Variants in POLL observed in about 807,000 individuals in gnomAD.
POLL encodes DNA polymerase lambda, also known as DNA polymerase beta-2.
In POLL, 44 loss-of-function variants were observed where a neutral mutation model predicts 58.1. That is an observed-to-expected ratio of 0.76 (90% CI 0.60 to 0.97). The LOEUF (loss-of-function observed/expected upper bound fraction) is 0.97. POLL is among the 50% of genes least tolerant of loss of function. POLL has a pLI of 0.00. For missense variants in POLL, 632 were observed against 736.8 expected, an observed-to-expected ratio of 0.86 and a Z score of 1.65; for synonymous variants, 290 against 283.2, an observed-to-expected ratio of 1.02 and a Z score of -0.24.
chr10:101,582,757 G>A lies in POLL; in HGVS notation c.1194+6C>T. 1 of 1,613,674 alleles carries A rather than the reference G, an allele frequency of 6.2e-7. No homozygotes were observed. The highest frequency in any genetic ancestry group is 8.5e-7 in the Non-Finnish European group (1 of 1,179,568). On this transcript the variant is annotated splice_donor_region_variant and intron_variant, in intron 7 of 8. Coordinates refer to ENST00000370162, the MANE Select transcript of POLL (RefSeq NM_001174084.2). ...CTGTCCTCACTGCTCTGGGACACCT[G>A]CTTACTGTCTGCTCAATCTCTGTAG...
intron 5 of POLL, among the ~76,000 whole-genome samples, chr10:101,584,269 C>G (rs1393846864): frequency 6.6e-6 from 1 of 151,910 alleles, no homozygotes; most frequent in Non-Finnish European, 1.5e-5. Flanking sequence ...TGCTTGAGCC[C>G]AGGAGTTCAA....
Position 101,580,643 on chromosome 10 carries a change from C to A in POLL, c.1195-227G>T. ...TGCAGGAGGCAAGCCTGAGGAGAGA[C>A]GGGAGAAGGTGCCGGCTCTGCTTCT... On this transcript the variant is annotated intron_variant, in intron 7 of 8. Coordinates refer to ENST00000370162, the MANE Select transcript of POLL (RefSeq NM_001174084.2). This position sits in a 1 kb window ranked among gnomAD's most constrained non-coding sequence, Gnocchi z 4.1. 4.1e-6 allele frequency: 2 copies of A among 492,866 alleles called. No individual in the cohort carries two copies. Among genetic ancestry groups the A allele is most frequent in the South Asian group, 2.8e-5 (1 of 36,218 alleles). 30.5% of individuals were successfully genotyped at this position (492,866 alleles called of 1,614,324 possible).
rs2063321935 is a variant in POLL, at chr10:101,586,168, A to C, written c.116-12T>G. 1 of 1,601,258 alleles carries C rather than the reference A, an allele frequency of 6.2e-7. No homozygotes were observed. The highest frequency in any genetic ancestry group is 8.5e-7 in the Non-Finnish European group (1 of 1,172,142). ...GGAGCTCAGCCACTCTGTGGAAGGA[A>C]CATCCAGATGACTACTGTTGTAACT... On this transcript the variant is annotated splice_polypyrimidine_tract_variant and intron_variant, in intron 2 of 8. Transcript: ENST00000370162.
At chr10:101,583,436 G>A in intron 6 of POLL, 72 bp downstream of exon 6, 1 of 1,516,672 alleles carries the variant, frequency 6.6e-7, no homozygotes, top group South Asian at 1.2e-5. Flanking sequence ...CTGGGGCAGA[G>A]CACAGCACAC....
At position 101,579,340 on chromosome 10, in the gene POLL, GA is replaced by G. The variant is rs1176700649; in HGVS notation, c.*112del. ...AGAGCCCTGGGCCCTGCTCGCTGAG[GA>G]AGCTGGTGGTTGGAGCGGCGAGGTT... On this transcript the variant is annotated 3_prime_UTR_variant, in exon 9 of 9. Coordinates refer to ENST00000370162, the MANE Select transcript of POLL (RefSeq NM_001174084.2). This position sits in a 1 kb window ranked among gnomAD's most constrained non-coding sequence, Gnocchi z 4.4. 3.1e-6 allele frequency: 4 copies of G among 1,286,198 alleles called. No homozygotes were observed. In the African/African-American group the frequency reaches 5.9e-5, roughly 19 times the overall value. The allele number at this position is 1,286,198 out of a possible 1,614,324, so 79.7% of individuals were successfully genotyped here.
chr10:101,582,493 A>T (rs1311408444), intron 7 of POLL, among the ~76,000 whole-genome samples: 1 of 152,192 alleles, frequency 6.6e-6, no homozygotes, highest in Non-Finnish European at 1.5e-5. Flanking sequence ...AACACCAATC[A>T]GTCTAGAATT....
chr10:101,579,871 C>G lies in POLL; in HGVS notation c.1364-54G>C. ...GGCAGGGAACCAGGCCTGGGCTGTC[C>G]CATCCTCCCAGGTCTCTCCTGATGT... On this transcript the variant is annotated intron_variant, in intron 8 of 8. Transcript: ENST00000370162. The surrounding 1 kb of genome is among the most constrained non-coding windows in gnomAD (Gnocchi z 4.4). The G allele has an allele frequency of 6.4e-7, 1 of 1,563,556 alleles. No homozygotes were observed.
chr10:101,582,689 G>T, intron 7 of POLL, 74 bp downstream of exon 7: 1 of 1,496,046 alleles, frequency 6.7e-7, no homozygotes, highest in Non-Finnish European at 9.3e-7. Context: ...CTGAGGAGTT[G>T]GGGGTTCTTG....
rs2062901452 is a variant in POLL at position 101,580,138 on chromosome 10, T to G, written c.1363+110A>C. 2.1e-6 allele frequency: 2 copies of G among 968,574 alleles called. No individual in the cohort carries two copies. The allele number at this position is 968,574 out of a possible 1,614,324, so 60.0% of individuals were successfully genotyped here. A position where few individuals can be genotyped will look rare whatever the true frequency, so the allele number is the denominator to read the frequency against. ...AGATGGGATGCTGGCAAAGCACTGT[T>G]CCCCTGCTTCCTGCCTCAGGACTGG... On this transcript the variant is annotated intron_variant, in intron 8 of 8. Transcript: ENST00000370162. This position sits in a 1 kb window ranked among gnomAD's most constrained non-coding sequence, Gnocchi z 4.1.
Position 101,579,730 on chromosome 10 carries a change from C to T in POLL, c.1451G>A (p.Arg484Gln), listed in dbSNP as rs200705693. The T allele has an allele frequency of 8.0e-5, 129 of 1,613,616 alleles. No individual in the cohort carries two copies. The highest frequency in any genetic ancestry group is 1.6e-4 in the Middle Eastern group (1 of 6,084). The change falls in exon 9 of 9, where the codon CGG (arginine) becomes CAG (glutamine). Residue 484 changes from arginine (R) to glutamine (Q), a missense_variant. Transcript: ENST00000370162. This position sits in a 1 kb window ranked among gnomAD's most constrained non-coding sequence, Gnocchi z 4.4. ...LGVCRLPGPG[R>Q]RHRRLDIIVV... The stretch of plus-strand genomic sequence containing the variant: ...GATGATGTCCAGGCGCCGGTGCCGC[C>T]GCCCTGGCCCTGGGAGCCGGCACAC...
Position 101,587,833 on chromosome 10 carries a change from A to G in POLL, c.-58T>C. ...TACTATTTCTCTACCTCCAACACAG[A>G]CTCGCAGAGGAAGGAGGAGGACTTT... is the stretch of plus-strand genomic sequence containing the variant. On this transcript the variant is annotated 5_prime_UTR_variant, in exon 1 of 9. Coordinates refer to ENST00000370162, the MANE Select transcript of POLL (RefSeq NM_001174084.2). 2 of 1,189,162 alleles carry G rather than the reference A, an allele frequency of 1.7e-6. No homozygotes were observed. The highest frequency in any genetic ancestry group is 2.1e-6 in the Non-Finnish European group (2 of 941,478). The allele number at this position is 1,189,162 out of a possible 1,614,324, so 73.7% of individuals were successfully genotyped here. A position where few individuals can be genotyped will look rare whatever the true frequency, so the allele number is the denominator to read the frequency against.
At chr10:101,586,746 C>T (rs1429946918) in intron 2 of POLL, among the ~76,000 whole-genome samples, 3 of 152,180 alleles carry the variant, frequency 2.0e-5, no homozygotes, top group Non-Finnish European at 2.9e-5. Context: ...CTGCCTGCCT[C>T]GGCCTCCCAA....
At position 101,583,610 on chromosome 10, in the gene POLL, A is replaced by G. The variant is rs776938693; in HGVS notation, c.963T>C (p.His321=). 2 of 1,614,142 alleles carry G rather than the reference A, an allele frequency of 1.2e-6. No homozygotes were observed. The highest frequency in any genetic ancestry group is 1.7e-5 in the Admixed American group (1 of 60,018). Residue 321 remains histidine (H), a synonymous_variant, in exon 6 of 9, where the codon CAT becomes CAC. Transcript: ENST00000370162. ...EKIIEILESG[H]LRKLDHISES... ...CACTGATATGGTCCAGCTTCCGCAAATGCCCGCTCTCCAGGATCTCTATGA... is the reference window on the plus strand; with the variant it reads ...CACTGATATGGTCCAGCTTCCGCAAGTGCCCGCTCTCCAGGATCTCTATGA...
chr10:101,580,877 G>A lies in POLL; in HGVS notation c.1195-461C>T, dbSNP rs1046683685. 2 of 155,070 alleles carry A rather than the reference G, an allele frequency of 1.3e-5. No homozygotes were observed. Among genetic ancestry groups the A allele is most frequent in the Non-Finnish European group, 2.9e-5 (2 of 70,064 alleles). The allele number at this position is 155,070 out of a possible 1,614,324, so 9.6% of individuals were successfully genotyped here. ...GTTTGGAATATGTGAGCTGGGGTTTGAGGACTGAGCAGGTGGCTGGCAGCA... is the reference window on the plus strand; with the variant it reads ...GTTTGGAATATGTGAGCTGGGGTTTAAGGACTGAGCAGGTGGCTGGCAGCA... On this transcript the variant is annotated intron_variant, in intron 7 of 8. Coordinates refer to ENST00000370162, the MANE Select transcript of POLL (RefSeq NM_001174084.2). This position sits in a 1 kb window ranked among gnomAD's most constrained non-coding sequence, Gnocchi z 4.1.
chr10:101,586,224 C>G, intron 2 of POLL, 68 bp from the exon 3 acceptor site: 2 of 1,364,590 alleles, frequency 1.5e-6, no homozygotes, highest in South Asian at 1.3e-5. Flanking sequence ...CCCCTGGCCA[C>G]GACATAACTT....
Position 101,585,319 on chromosome 10 carries a change from G to C in POLL, c.570C>G (p.Ala190=). The C allele has an allele frequency of 6.4e-7, 1 of 1,563,906 alleles. No individual in the cohort carries two copies. The highest frequency in any genetic ancestry group is 8.6e-7 in the Non-Finnish European group (1 of 1,156,180). Residue 190 remains alanine, a synonymous_variant, in exon 4 of 9, where the codon GCC becomes GCG. Coordinates refer to ENST00000370162, the MANE Select transcript of POLL (RefSeq NM_001174084.2). ...QKAKEAPNTQ[A]QPISDDEASD... ...TGAGGGATGGGAGGCTCCTGACCTGGGCTTGGGTGTTTGGTGCCTCTTTTG... is the reference window on the plus strand; with the variant it reads ...TGAGGGATGGGAGGCTCCTGACCTGCGCTTGGGTGTTTGGTGCCTCTTTTG...
At position 101,587,927 on chromosome 10, in the gene POLL, G is replaced by A; in HGVS notation, c.-152C>T. 8.2e-7 allele frequency: 1 copy of A among 1,225,018 alleles called. No individual in the cohort carries two copies. Among genetic ancestry groups the A allele is most frequent in the Non-Finnish European group, 1.0e-6 (1 of 957,760 alleles). 75.9% of individuals were successfully genotyped at this position (1,225,018 alleles called of 1,614,324 possible). The stretch of plus-strand genomic sequence containing the variant: ...TCTCGACATGGGGGTGCTCAGCGCC[G>A]CAGCTGCGGGGAGATGGGGCACGGC... On this transcript the variant is annotated 5_prime_UTR_variant, in exon 1 of 9. Coordinates refer to ENST00000370162, the MANE Select transcript of POLL (RefSeq NM_001174084.2).
chr10:101,583,960 T>C (rs183113218), intron 5 of POLL, among the ~76,000 whole-genome samples: 4 of 152,048 alleles, frequency 2.6e-5, no homozygotes, highest in Admixed American at 6.6e-5. Flanking sequence ...ACCACCACCA[T>C]CATCATCATT....
chr10:101,582,640 T>TG (rs2063064333), intron 7 of POLL, 123 bp downstream of exon 7: 1 of 1,002,120 alleles, frequency 1.0e-6, no homozygotes, highest in African/African-American at 1.6e-5. Flanking sequence ...GCTCAACCTC[T>TG]GGTGATCCAC....
Sources: allele counts gnomAD v4.1 joint callset (sites outside exome capture counted in the v4.1 genomes callset), GRCh38; gene constraint gnomAD v4.1.1; non-coding constraint Gnocchi (gnomAD v3.1); transcripts MANE v1.5; gene names NCBI Gene and HGNC (gene_info 2026-07-23, HGNC 2026-07-21).